GPC3: variants seen among roughly 807,000 people sequenced by gnomAD.
GPC3 encodes the protein glypican 3.
GPC3 carries 3 observed loss-of-function variants against 34.4 expected under a neutral mutation model. That is an observed-to-expected ratio of 0.09 (90% CI 0.04 to 0.23). The LOEUF is 0.23. Ranked by LOEUF, GPC3 falls within the 10% of genes least tolerant of loss-of-function variation. The probability of loss-of-function intolerance (pLI) is 1.00; values close to 1 mark genes in which losing one functional copy is unlikely to be tolerated. For synonymous variants in GPC3, 177 were observed against 174.0 expected (o/e 1.02, Z -0.13); for missense variants, 351 against 445.6 (o/e 0.79, Z 1.91).
chrX:133,827,869 C>T (rs1006874655), intron 2 of GPC3, among the ~76,000 whole-genome samples: 1 of 96,545 alleles, frequency 1.0e-5, no homozygotes, highest in Non-Finnish European at 2.0e-5. Flanking sequence ...CCCTTGAACC[C>T]GGGAGGCGGA....
At chrX:133,847,011 C>T (rs2075849762) in intron 2 of GPC3, among the ~76,000 whole-genome samples, 1 of 111,473 alleles carries the variant, frequency 9.0e-6, no homozygotes, top group Non-Finnish European at 1.9e-5. Flanking sequence ...TGTGACCCCT[C>T]CAGCCACATG....
intron 2 of GPC3, among the ~76,000 whole-genome samples, chrX:133,857,205 T>C (rs774732245): frequency 1.3e-4 from 15 of 111,699 alleles, no homozygotes; most frequent in Non-Finnish European, 2.4e-4. Context: ...ATTCTTCCTG[T>C]TCTCTGGATC....
intron 2 of GPC3, among the ~76,000 whole-genome samples, chrX:133,767,020 T>A: frequency 8.9e-6 from 1 of 112,533 alleles, no homozygotes; most frequent in African/African-American, 3.2e-5. Flanking sequence ...AGAAAACTTA[T>A]ACAGACAGTA....
chrX:133,771,576 T>A lies in GPC3; in HGVS notation c.338-17400A>T, dbSNP rs187241875. 1.4e-3 allele frequency among the ~76,000 whole-genome samples: 155 copies of A among 111,813 alleles called. 1 individual carries two copies. The highest frequency in any genetic ancestry group is 8.0e-3 in the Admixed American group (84 of 10,541). Reference sequence around the variant, plus strand: ...ATAGTGAAGTTGACATCACTGAAAATTCTATTTGTTTAAGGAAAGAAAGAT... The same window carrying A: ...ATAGTGAAGTTGACATCACTGAAAAATCTATTTGTTTAAGGAAAGAAAGAT... On this transcript the variant is annotated intron_variant, in intron 2 of 7. Transcript: ENST00000370818.
intron 2 of GPC3, among the ~76,000 whole-genome samples, chrX:133,853,825 ACTG>A (rs1198544231): frequency 8.9e-5 from 10 of 112,158 alleles, no homozygotes; most frequent in African/African-American, 3.2e-4. Flanking sequence ...GCTTTGATGC[ACTG>A]CTGTGAGGTG....
intron 6 of GPC3, among the ~76,000 whole-genome samples, chrX:133,618,458 G>A (rs1380662446): frequency 9.0e-6 from 1 of 111,428 alleles, no homozygotes; most frequent in Non-Finnish European, 1.9e-5. Context: ...ACAAATGGTG[G>A]TGGGAGACCT....
intron 3 of GPC3, among the ~76,000 whole-genome samples, chrX:133,724,727 G>A (rs1473939664): frequency 1.8e-5 from 2 of 111,544 alleles, no homozygotes; most frequent in African/African-American, 6.5e-5. Context: ...TAATTCTATT[G>A]ATCTAAGAGC....
intron 2 of GPC3, among the ~76,000 whole-genome samples, chrX:133,870,176 G>A (rs1182473249): frequency 2.7e-5 from 3 of 111,736 alleles, no homozygotes; most frequent in African/African-American, 9.8e-5. Flanking sequence ...GAGCTTATTT[G>A]CTGCAAAGGG....
chrX:133,910,610 A>T (rs1335652316), intron 2 of GPC3, among the ~76,000 whole-genome samples: 1 of 112,078 alleles, frequency 8.9e-6, no homozygotes, highest in Non-Finnish European at 1.9e-5. Flanking sequence ...ATTTGTGAGT[A>T]TCTTGCCTTT....
At chrX:133,853,842 G>A (rs1254066281) in intron 2 of GPC3, among the ~76,000 whole-genome samples, 1 of 111,789 alleles carries the variant, frequency 8.9e-6, no homozygotes, top group Admixed American at 9.5e-5. Context: ...TGAGGTGTAG[G>A]GGATAGGAGT....
intron 5 of GPC3, among the ~76,000 whole-genome samples, chrX:133,679,277 T>C (rs1447990390): frequency 9.0e-6 from 1 of 111,704 alleles, no homozygotes; most frequent in Non-Finnish European, 1.9e-5. Context: ...GTTCCATTTA[T>C]TCAGGGTAAA....
intron 6 of GPC3, among the ~76,000 whole-genome samples, chrX:133,640,612 T>C (rs2070471133): frequency 8.9e-6 from 1 of 112,227 alleles, no homozygotes; most frequent in Non-Finnish European, 1.9e-5. Context: ...AAAAACTGTT[T>C]AACATTTGAA....
intron 2 of GPC3, among the ~76,000 whole-genome samples, chrX:133,784,663 T>C (rs960094536): frequency 8.9e-6 from 1 of 112,530 alleles, no homozygotes; most frequent in Non-Finnish European, 1.9e-5. Flanking sequence ...AAATTGTTAT[T>C]GTTAGAAAAG....
intron 2 of GPC3, among the ~76,000 whole-genome samples, chrX:133,929,873 A>G (rs914549239): frequency 2.7e-5 from 3 of 112,245 alleles, no homozygotes; most frequent in Non-Finnish European, 5.6e-5. Flanking sequence ...TATCAAATCC[A>G]TTCAGATACC....
chrX:133,794,349 A>C (rs911498895), intron 2 of GPC3, among the ~76,000 whole-genome samples: 1 of 112,057 alleles, frequency 8.9e-6, no homozygotes, highest in Non-Finnish European at 1.9e-5. Flanking sequence ...CCAAGGAAAG[A>C]ACGTAAGTGC....
intron 2 of GPC3, among the ~76,000 whole-genome samples, chrX:133,824,682 G>A (rs1484986275): frequency 1.8e-5 from 2 of 110,686 alleles, no homozygotes; most frequent in Admixed American, 9.6e-5. Flanking sequence ...TATATCTCTA[G>A]CGAAATATTA....
intron 1 of GPC3, among the ~76,000 whole-genome samples, chrX:133,956,871 G>A (rs1264384): frequency 0.014 from 1,604 of 111,060 alleles, 28 homozygotes; most frequent in African/African-American, 0.048. Flanking sequence ...ACATGGGTCC[G>A]GGAATGACTC....
intron 1 of GPC3, among the ~76,000 whole-genome samples, chrX:133,959,966 A>G (rs1454601528): frequency 2.7e-5 from 3 of 111,908 alleles, no homozygotes; most frequent in Non-Finnish European, 5.6e-5. Flanking sequence ...TTTGTAAATT[A>G]TATCTCAATA....
chrX:133,958,708 TG>T (rs1461744902), intron 1 of GPC3, among the ~76,000 whole-genome samples: 1 of 84,539 alleles, frequency 1.2e-5, no homozygotes, highest in Non-Finnish European at 2.3e-5. Context: ...CCATCTCTAC[TG>T]AAAAAAAAAA....
Sources: allele counts gnomAD v4.1 joint callset (sites outside exome capture counted in the v4.1 genomes callset), GRCh38; gene constraint gnomAD v4.1.1; transcripts MANE v1.5; gene names NCBI Gene and HGNC (gene_info 2026-07-23, HGNC 2026-07-21).